The following CCDC30 variants were observed in gnomAD, a reference collection of about 807,000 sequenced individuals.
CCDC30 encodes the protein coiled-coil domain containing 30, also known as coiled-coil domain-containing protein 30.
CCDC30 carries 70 observed loss-of-function variants against 100.2 expected under a neutral mutation model. The ratio of observed to expected loss-of-function variants is 0.70; its 90% confidence interval spans 0.58 to 0.85. CCDC30 has a LOEUF of 0.85. Among genes scored for constraint, CCDC30 ranks in the 40% least tolerant of loss-of-function variants. CCDC30 has a pLI of 0.00. For missense variants in CCDC30, 652 were observed against 771.2 expected (o/e 0.85, Z 1.83); for synonymous variants, 233 against 269.5 (o/e 0.86, Z 1.33).
rs186272013 is a variant in CCDC30, at chr1:42,539,376, G to T, written c.457-26920G>T. 1.8e-4 allele frequency: 251 copies of T among 1,398,260 alleles called. 1 individual carries two copies. Among genetic ancestry groups the T allele is most frequent in the Non-Finnish European group, 1.2e-5 (12 of 1,034,368 alleles). The allele number at this position is 1,398,260 out of a possible 1,614,324, so 86.6% of individuals were successfully genotyped here. A position where few individuals can be genotyped will look rare whatever the true frequency, so the allele number is the denominator to read the frequency against. The stretch of plus-strand genomic sequence containing the variant: ...TAGCTTTTATGAGGATAGGTTAAAA[G>T]GAAATTAATTTTAAGCAACAGATGA... On this transcript the variant is annotated intron_variant, in intron 6 of 16. Transcript: ENST00000668663.
intron 6 of CCDC30, chr1:42,510,124 T>C: frequency 1.0e-6 from 1 of 985,316 alleles, no homozygotes; most frequent in Non-Finnish European, 1.2e-6. Flanking sequence ...CATCTGGAAG[T>C]TGCATTTGAG....
At chr1:42,497,254 T>C (rs1201391234) in intron 5 of CCDC30, 41 bp downstream of exon 5, 1 of 1,117,808 alleles carries the variant, frequency 8.9e-7, no homozygotes, top group Non-Finnish European at 1.1e-6. Flanking sequence ...TAAATGTGTC[T>C]ACCATAACAA....
chr1:42,621,922 C>T (rs1206167082), intron 11 of CCDC30, among the ~76,000 whole-genome samples: 2 of 152,128 alleles, frequency 1.3e-5, no homozygotes, highest in African/African-American at 4.8e-5. Flanking sequence ...GCTGGGATTA[C>T]GGGTGTGAGC....
In CCDC30 at chr1:42,581,359, G is replaced by T; in HGVS notation, c.847-1G>T. Reference sequence around the variant, plus strand: ...TACTTGTAAATGTTTTTTCATTCAAGATTTTGGACCTGCAGCGGAAATTAG... The same window carrying T: ...TACTTGTAAATGTTTTTTCATTCAATATTTTGGACCTGCAGCGGAAATTAG... On this transcript the variant is annotated splice_acceptor_variant, in intron 8 of 16. Transcript: ENST00000668663. LOFTEE classifies it high-confidence loss of function. 1 of 1,590,222 alleles carries T rather than the reference G, an allele frequency of 6.3e-7. No homozygotes were observed. The highest frequency in any genetic ancestry group is 1.2e-5 in the South Asian group (1 of 86,004).
intron 7 of CCDC30, chr1:42,570,855 T>C (rs574167531): frequency 1.3e-5 from 2 of 152,238 alleles, no homozygotes; most frequent in African/African-American, 4.8e-5. Context: ...TTTATTTATT[T>C]TTTCTGTGGC....
At chr1:42,536,110 A>G (rs1172561439) in intron 6 of CCDC30, among the ~76,000 whole-genome samples, 1 of 152,138 alleles carries the variant, frequency 6.6e-6, no homozygotes, top group Middle Eastern at 3.2e-3. Context: ...ACATGTGGTA[A>G]GTCCTCAATA....
intron 11 of CCDC30, among the ~76,000 whole-genome samples, chr1:42,637,009 A>G (rs980613273): frequency 1.7e-4 from 25 of 150,858 alleles, no homozygotes; most frequent in Non-Finnish European, 4.4e-5. Flanking sequence ...GATAAGCCAA[A>G]TACTTGAGTC....
At chr1:42,511,419 A>G (rs1167162608) in intron 6 of CCDC30, among the ~76,000 whole-genome samples, 2 of 152,180 alleles carry the variant, frequency 1.3e-5, no homozygotes, top group Non-Finnish European at 1.5e-5. Flanking sequence ...TCCTACTATC[A>G]TGGCCCATGC....
intron 15 of CCDC30, among the ~76,000 whole-genome samples, chr1:42,649,755 C>T (rs909806592): frequency 2.2e-5 from 3 of 137,434 alleles, no homozygotes; most frequent in African/African-American, 8.4e-5. Context: ...AAAATCAACA[C>T]ACCAAAATCA....
At chr1:42,642,250 T>A (rs199985271) in intron 12 of CCDC30, among the ~76,000 whole-genome samples, 14,573 of 149,810 alleles carry the variant, frequency 0.097, 872 homozygotes, top group South Asian at 0.18. Context: ...CAAAAAAATA[T>A]ATATATATAT....
intron 6 of CCDC30, among the ~76,000 whole-genome samples, chr1:42,548,621 T>C (rs1232601267): frequency 6.6e-6 from 1 of 151,996 alleles, no homozygotes; most frequent in Non-Finnish European, 1.5e-5. Context: ...ATTTCAGAAG[T>C]GAAATAGTTG....
chr1:42,466,589 T>C (rs1643591787), intron 1 of CCDC30, among the ~76,000 whole-genome samples: 1 of 151,858 alleles, frequency 6.6e-6, no homozygotes, highest in South Asian at 2.1e-4. Flanking sequence ...CCTTGCTCTG[T>C]CGCCCAGGCT....
At chr1:42,646,279 C>G in exon 15 of CCDC30, 1 of 1,546,966 alleles carries the variant, frequency 6.5e-7, no homozygotes, top group Non-Finnish European at 8.7e-7. Flanking sequence ...TGAGTCAGTT[C>G]CTGAGGCCAC....
At chr1:42,529,846 T>G (rs978506718) in intron 6 of CCDC30, 4 of 152,248 alleles carry the variant, frequency 2.6e-5, no homozygotes, top group African/African-American at 7.2e-5. Context: ...TAGTTCCCTC[T>G]TATTTTCAGT....
chr1:42,649,837 C>T (rs921646930), intron 15 of CCDC30, among the ~76,000 whole-genome samples: 5 of 151,986 alleles, frequency 3.3e-5, no homozygotes, highest in African/African-American at 1.2e-4. Context: ...GAAAATAATA[C>T]CATTTACAAT....
intron 6 of CCDC30, among the ~76,000 whole-genome samples, chr1:42,528,501 G>C (rs1386728839): frequency 1.3e-5 from 2 of 152,192 alleles, no homozygotes; most frequent in Non-Finnish European, 2.9e-5. Flanking sequence ...AGATCACAAT[G>C]CAGGTCTGAC....
chr1:42,626,553 G>A (rs1358257070), intron 11 of CCDC30, among the ~76,000 whole-genome samples: 1 of 151,972 alleles, frequency 6.6e-6, no homozygotes, highest in Non-Finnish European at 1.5e-5. Context: ...GTTACCATAA[G>A]GCTTGCAAAT....
intron 8 of CCDC30, chr1:42,580,938 T>C (rs1645951302): frequency 2.2e-6 from 1 of 450,324 alleles, no homozygotes; most frequent in South Asian, 1.6e-5. Context: ...GCATTATCTA[T>C]CAAACAAACA....
rs1049725469 is a variant in CCDC30 at position 42,639,876 on chromosome 1, G to A, written c.1419+2498G>A. On this transcript the variant is annotated intron_variant, in intron 12 of 16. Coordinates refer to ENST00000668663, the Ensembl canonical transcript of CCDC30. ...AGCTACTTGGGAGGCTGAGGCAGGA[G>A]AATTGCTTGAACCAGGGAGATAGAA... Among the ~76,000 whole-genome samples, 3 of 151,010 alleles carry A rather than the reference G, an allele frequency of 2.0e-5. 1 individual carries two copies.
Sources: gnomAD v4.1 joint callset for allele counts (sites outside exome capture counted in the v4.1 genomes callset) on GRCh38, gnomAD v4.1.1 for gene constraint, MANE v1.5 for transcripts, NCBI Gene and HGNC (gene_info 2026-07-23, HGNC 2026-07-21) for gene names.